UPK1B: variants seen among roughly 807,000 people sequenced by gnomAD.
UPK1B encodes uroplakin-1b.
In UPK1B, 28 loss-of-function variants were observed where a neutral mutation model predicts 34.2. That is an observed-to-expected ratio of 0.82 (90% CI 0.61 to 1.12). The LOEUF (loss-of-function observed/expected upper bound fraction) is 1.12. UPK1B is among the 50% of genes most tolerant of loss of function. The pLI, the probability that UPK1B is intolerant of heterozygous loss-of-function variation, is 0.00. For missense variants in UPK1B, 325 were observed against 320.9 expected, an observed-to-expected ratio of 1.01 and a Z score of -0.10; for synonymous variants, 81 against 110.4, an observed-to-expected ratio of 0.73 and a Z score of 1.67.
At position 119,187,935 on chromosome 3, in the gene UPK1B, T is replaced by C; in HGVS notation, c.230T>C (p.Ile77Thr). Reference protein sequence around the residue: ...ICLFCLSVLGIVGIMKSSRKI... With the variant: ...ICLFCLSVLGTVGIMKSSRKI... The stretch of plus-strand genomic sequence containing the variant: ...CTCTTCTGCCTGTCTGTTCTAGGCA[T>C]TGTAGGCATCATGAAGTCCAGCAGG... The change falls in exon 3 of 8, where the codon ATT becomes ACT. Residue 77 changes from isoleucine (I) to threonine (T), a missense_variant. Transcript: ENST00000264234. 6.2e-7 allele frequency: 1 copy of C among 1,614,140 alleles called. No homozygotes were observed. Among genetic ancestry groups the C allele is most frequent in the Non-Finnish European group, 8.5e-7 (1 of 1,180,024 alleles).
chr3:119,176,096 T>G (rs1202735800), intron 1 of UPK1B: 1 of 152,242 alleles, frequency 6.6e-6, no homozygotes, highest in Non-Finnish European at 1.5e-5. Context: ...TCTGTTCTTG[T>G]GCTGAGTTTC....
intron 7 of UPK1B, 86 bp downstream of exon 7, chr3:119,199,226 T>C: frequency 7.0e-7 from 1 of 1,436,664 alleles, no homozygotes; most frequent in African/African-American, 1.4e-5. Context: ...TCAACCACAC[T>C]AGAAAGTCTA....
At chr3:119,179,559 G>A (rs2077978717) in intron 1 of UPK1B, among the ~76,000 whole-genome samples, 1 of 116,678 alleles carries the variant, frequency 8.6e-6, no homozygotes, top group Non-Finnish European at 1.6e-5. Context: ...GCCCAGGCTG[G>A]AGTTCAGTGG....
chr3:119,186,213 T>C (rs1200470718), intron 1 of UPK1B, among the ~76,000 whole-genome samples: 1 of 152,254 alleles, frequency 6.6e-6, no homozygotes, highest in Non-Finnish European at 1.5e-5. Flanking sequence ...GGGCACTTTT[T>C]TATTTGCCAA....
intron 1 of UPK1B, among the ~76,000 whole-genome samples, chr3:119,181,473 G>A (rs1576866660): frequency 6.6e-6 from 1 of 152,002 alleles, no homozygotes; most frequent in Non-Finnish European, 1.5e-5. Flanking sequence ...AATTTTCATA[G>A]TAACCCTTGA....
chr3:119,194,599 A>C (rs996963570), intron 6 of UPK1B, among the ~76,000 whole-genome samples: 1 of 152,240 alleles, frequency 6.6e-6, no homozygotes, highest in Non-Finnish European at 1.5e-5. Context: ...CATTTTAATA[A>C]AATTAACAAA....
At chr3:119,203,428 A>T (rs2078103198) in intron 7 of UPK1B, among the ~76,000 whole-genome samples, 1 of 152,048 alleles carries the variant, frequency 6.6e-6, no homozygotes, top group African/African-American at 2.4e-5. Flanking sequence ...AGACTGGATA[A>T]AGAAAATGTG....
At chr3:119,194,127 G>A (rs772149641) in intron 5 of UPK1B, 92 bp from the exon 6 acceptor site, 109 of 1,256,378 alleles carry the variant, frequency 8.7e-5, no homozygotes, top group African/African-American at 3.7e-4. Flanking sequence ...TACACTTTCC[G>A]TATCTTCTTT....
At chr3:119,201,484 T>C (rs2078090300) in intron 7 of UPK1B, among the ~76,000 whole-genome samples, 1 of 152,112 alleles carries the variant, frequency 6.6e-6, no homozygotes, top group Non-Finnish European at 1.5e-5. Context: ...TCAGATCTCA[T>C]GAGACTTATT....
In UPK1B at chr3:119,175,652, A is replaced by G. The variant is rs576935944; in HGVS notation, c.-29+2014A>G. ...TGAGTGCTCCTGAGCCATTGCTTACAGCTAGTCCCTGATTTCCAATGGGTG... is the reference window on the plus strand; with the variant it reads ...TGAGTGCTCCTGAGCCATTGCTTACGGCTAGTCCCTGATTTCCAATGGGTG... On this transcript the variant is annotated intron_variant, in intron 1 of 7. Transcript: ENST00000264234. 1.2e-3 allele frequency among the ~76,000 whole-genome samples: 178 copies of G among 152,038 alleles called. 1 individual carries two copies. Among genetic ancestry groups the G allele is most frequent in the African/African-American group, 4.1e-3 (170 of 41,430 alleles).
intron 5 of UPK1B, among the ~76,000 whole-genome samples, chr3:119,192,926 A>C (rs1265126113): frequency 3.9e-5 from 4 of 103,438 alleles, no homozygotes; most frequent in Non-Finnish European, 7.7e-5. Context: ...AAATCTCAGA[A>C]GAGATGCCTA....
chr3:119,194,408 C>T lies in UPK1B; in HGVS notation c.648+10C>T, dbSNP rs961283104. On this transcript the variant is annotated intron_variant, in intron 6 of 7. Coordinates refer to ENST00000264234, the MANE Select transcript of UPK1B (RefSeq NM_006952.4). The stretch of plus-strand genomic sequence containing the variant: ...TTTTTATCACAATCAGGTGAGTCCT[C>T]TCTCCTCCCAAGACTTCCCAGGAGG... 2 of 1,594,496 alleles carry T rather than the reference C, an allele frequency of 1.3e-6. No homozygotes were observed. Among genetic ancestry groups the T allele is most frequent in the Non-Finnish European group, 1.7e-6 (2 of 1,172,484 alleles).
chr3:119,182,010 T>G (rs1169110570), intron 1 of UPK1B, among the ~76,000 whole-genome samples: 4 of 152,240 alleles, frequency 2.6e-5, no homozygotes, highest in African/African-American at 4.8e-5. Flanking sequence ...GCCTTAGAGC[T>G]GGCCAAAGGC....
intron 1 of UPK1B, among the ~76,000 whole-genome samples, chr3:119,179,049 G>A (rs1291553891): frequency 6.6e-6 from 1 of 152,092 alleles, no homozygotes; most frequent in African/African-American, 2.4e-5. Flanking sequence ...TACATAAAGA[G>A]AGAGAGAGGC....
chr3:119,173,771 T>G (rs961541055), intron 1 of UPK1B, 133 bp downstream of exon 1: 8 of 152,238 alleles, frequency 5.3e-5, no homozygotes, highest in Non-Finnish European at 2.9e-5. Context: ...GTCTGTCATT[T>G]TTTTCTTTGT....
At chr3:119,174,992 CT>C (rs1158089469) in intron 1 of UPK1B, among the ~76,000 whole-genome samples, 1,160 of 101,698 alleles carry the variant, frequency 0.011, 11 homozygotes, top group Middle Eastern at 0.035. Context: ...AAACTCAGAA[CT>C]TTTTTTTTCT....
chr3:119,179,805 CTTTTTTTTTTTTTTTTTTTT>C lies in UPK1B; in HGVS notation c.-29+6185_-29+6204del, dbSNP rs869040325. On this transcript the variant is annotated intron_variant, in intron 1 of 7. Transcript: ENST00000264234. ...TACAGGCGTGAGCCACCACGCCCGG[CTTTTTTTTTTTTTTTTTTTT>C]TTTTTTTTTTTTTTTTTGAGACGAG... 3.2e-4 allele frequency among the ~76,000 whole-genome samples: 16 copies of C among 50,604 alleles called. 1 individual carries two copies. The highest frequency in any genetic ancestry group is 0.017 in the Middle Eastern group (1 of 58). The allele number at this position is 50,604 out of a possible 152,430, so 33.2% of individuals were successfully genotyped here.
In UPK1B at chr3:119,194,415, C is replaced by T; in HGVS notation, c.648+17C>T. 5 of 1,529,330 alleles carry T rather than the reference C, an allele frequency of 3.3e-6. No individual in the cohort carries two copies. Among genetic ancestry groups the T allele is most frequent in the Non-Finnish European group, 4.4e-6 (5 of 1,141,870 alleles). 94.7% of individuals were successfully genotyped at this position (1,529,330 alleles called of 1,614,324 possible). A position where few individuals can be genotyped will look rare whatever the true frequency, so the allele number is the denominator to read the frequency against. On this transcript the variant is annotated intron_variant, in intron 6 of 7. Coordinates refer to ENST00000264234, the MANE Select transcript of UPK1B (RefSeq NM_006952.4). The stretch of plus-strand genomic sequence containing the variant: ...CACAATCAGGTGAGTCCTCTCTCCT[C>T]CCAAGACTTCCCAGGAGGTTCTGCT...
At chr3:119,203,352 A>AGC (rs1559905294) in intron 7 of UPK1B, among the ~76,000 whole-genome samples, 3 of 150,464 alleles carry the variant, frequency 2.0e-5, no homozygotes, top group African/African-American at 7.3e-5. Context: ...AAAAAAAAAA[A>AGC]AAAAAAAAAA....
Sources: gnomAD v4.1 joint callset for allele counts (sites outside exome capture counted in the v4.1 genomes callset) on GRCh38, gnomAD v4.1.1 for gene constraint, MANE v1.5 for transcripts, NCBI Gene and HGNC (gene_info 2026-07-23, HGNC 2026-07-21) for gene names.